The following FARP2 variants were observed in gnomAD, a reference collection of about 807,000 sequenced individuals.
The protein encoded by FARP2 is FERM, ARHGEF and pleckstrin domain-containing protein 2.
A neutral mutation model predicts 130.5 loss-of-function variants in FARP2; 111 were observed. That is an observed-to-expected ratio of 0.85 (90% CI 0.73 to 1.00). The LOEUF (loss-of-function observed/expected upper bound fraction) is 1.00, where lower values mean the gene tolerates loss of function less well. FARP2 is among the 50% of genes least tolerant of loss of function. The pLI, the probability that FARP2 is intolerant of heterozygous loss-of-function variation, is 0.00. For missense variants in FARP2, 1,385 were observed against 1,346.3 expected (o/e 1.03, Z -0.45); for synonymous variants, 504 against 516.9 (o/e 0.98, Z 0.34).
At chr2:241,435,908 AT>A (rs34703186) in intron 11 of FARP2, among the ~76,000 whole-genome samples, 13,696 of 100,728 alleles carry the variant, frequency 0.14, 331 homozygotes, top group Middle Eastern at 0.17. Context: ...AGTATAGTAA[AT>A]TTTTTTTTTT....
At chr2:241,452,909 C>G (rs2063701728) in intron 13 of FARP2, among the ~76,000 whole-genome samples, 1 of 151,374 alleles carries the variant, frequency 6.6e-6, no homozygotes, top group South Asian at 2.1e-4. Flanking sequence ...CCATTGCACT[C>G]CAGCCTGGGC....
At chr2:241,416,913 C>T (rs567301729) in intron 7 of FARP2, among the ~76,000 whole-genome samples, 9 of 150,908 alleles carry the variant, frequency 6.0e-5, no homozygotes, top group Non-Finnish European at 1.0e-4. Flanking sequence ...TGTCTCTAAA[C>T]GAATGAGCGA....
At chr2:241,466,698 C>CCCA (rs1385900832) in intron 17 of FARP2, 157 of 629,808 alleles carry the variant, frequency 2.5e-4, no homozygotes, top group Non-Finnish European at 2.9e-4. Context: ...CACCCCCCCC[C>CCCA]CCACCACCAC....
intron 1 of FARP2, among the ~76,000 whole-genome samples, chr2:241,357,131 A>G (rs948072590): frequency 6.6e-6 from 1 of 152,372 alleles, no homozygotes; most frequent in South Asian, 2.1e-4. Flanking sequence ...ACAAGGCATC[A>G]TTGAAGGAAA....
chr2:241,383,546 T>G (rs919915159), intron 2 of FARP2, among the ~76,000 whole-genome samples: 4 of 152,036 alleles, frequency 2.6e-5, no homozygotes, highest in African/African-American at 9.7e-5. Flanking sequence ...TCTGCTCACA[T>G]GGAGGGAAAT....
At chr2:241,452,400 A>G in intron 13 of FARP2, among the ~76,000 whole-genome samples, 1 of 152,210 alleles carries the variant, frequency 6.6e-6, no homozygotes, top group East Asian at 1.9e-4. Context: ...CTTGTTTTAA[A>G]AATAAAAAAA....
intron 1 of FARP2, among the ~76,000 whole-genome samples, chr2:241,371,269 G>C (rs547239155): frequency 6.6e-6 from 1 of 152,284 alleles, no homozygotes; most frequent in Admixed American, 6.5e-5. Flanking sequence ...GATGAGTTGA[G>C]GCCAGGAGTT....
intron 19 of FARP2, among the ~76,000 whole-genome samples, chr2:241,480,885 G>A (rs1176733942): frequency 4.6e-5 from 7 of 151,950 alleles, no homozygotes; most frequent in Admixed American, 1.3e-4. Context: ...CAGTTTTCCC[G>A]GCAGCATTGA....
chr2:241,435,220 A>T (rs1324043558), intron 11 of FARP2, among the ~76,000 whole-genome samples, 190 bp downstream of exon 11: 2 of 151,376 alleles, frequency 1.3e-5, no homozygotes, highest in Non-Finnish European at 2.9e-5. Context: ...CAGCCTCCCG[A>T]GTAGCTGGGA....
intron 2 of FARP2, among the ~76,000 whole-genome samples, chr2:241,383,678 T>C (rs1425332506): frequency 1.3e-5 from 2 of 151,944 alleles, no homozygotes; most frequent in Non-Finnish European, 2.9e-5. Flanking sequence ...AGGGAGGTAG[T>C]GAGAACCAGT....
chr2:241,444,549 T>TGTGGGGCAGGGGTGGCC (rs1036423417), intron 13 of FARP2: 7 of 152,202 alleles, frequency 4.6e-5, no homozygotes, highest in African/African-American at 1.4e-4. Context: ...CTAGCACTGC[T>TGTGGGGCAGGGGTGGCC]GTGGGGCAGG....
At chr2:241,409,527 C>T (rs1396554885) in intron 5 of FARP2, among the ~76,000 whole-genome samples, 2 of 151,962 alleles carry the variant, frequency 1.3e-5, no homozygotes, top group Non-Finnish European at 2.9e-5. Flanking sequence ...CCAGCCTGGG[C>T]AATAGAGTGA....
chr2:241,472,385 G>A (rs1373642723), intron 18 of FARP2, among the ~76,000 whole-genome samples: 1 of 151,194 alleles, frequency 6.6e-6, no homozygotes, highest in Non-Finnish European at 1.5e-5. Context: ...CCATTCTGAG[G>A]GGGATCCTGT....
intron 8 of FARP2, among the ~76,000 whole-genome samples, chr2:241,426,142 A>C (rs2062934871): frequency 1.3e-5 from 2 of 152,200 alleles, no homozygotes. Context: ...CAGGCAGAGG[A>C]AGACACAGGT....
intron 1 of FARP2, among the ~76,000 whole-genome samples, chr2:241,363,351 A>G (rs555335893): frequency 4.3e-4 from 65 of 152,290 alleles, no homozygotes; most frequent in Non-Finnish European, 7.8e-4. Context: ...TTGCCTTTTT[A>G]TTCTCTTCCC....
At chr2:241,390,602 C>A (rs932478026) in intron 2 of FARP2, among the ~76,000 whole-genome samples, 1 of 152,082 alleles carries the variant, frequency 6.6e-6, no homozygotes, top group African/African-American at 2.4e-5. Flanking sequence ...TAGTTGGATT[C>A]TTTTTCCAGT....
intron 10 of FARP2, 87 bp downstream of exon 10, chr2:241,434,408 T>A: frequency 2.0e-6 from 2 of 1,004,936 alleles, no homozygotes; most frequent in East Asian, 2.7e-5. Flanking sequence ...AAAGAAGTGT[T>A]ATAAAATATT....
At chr2:241,478,774 G>A (rs770829810) in intron 19 of FARP2, 3 of 411,256 alleles carry the variant, frequency 7.3e-6, no homozygotes, top group Non-Finnish European at 1.5e-5. Context: ...ACGTGCTTCA[G>A]TGTCAGGAGG....
At chr2:241,396,563 G>T (rs2062034297) in intron 2 of FARP2, among the ~76,000 whole-genome samples, 1 of 152,192 alleles carries the variant, frequency 6.6e-6, no homozygotes, top group Admixed American at 6.5e-5. Context: ...CATTTATGCA[G>T]CCAACAAACA....
Sources: allele counts gnomAD v4.1 joint callset (sites outside exome capture counted in the v4.1 genomes callset), GRCh38; gene constraint gnomAD v4.1.1; transcripts MANE v1.5; gene names NCBI Gene and HGNC (gene_info 2026-07-23, HGNC 2026-07-21).